The following PARD3 variants were observed in gnomAD, a reference collection of about 807,000 sequenced individuals.
PARD3 encodes the protein par-3 family cell polarity regulator, also known as partitioning defective 3 homolog.
Under a neutral mutation model 155.4 loss-of-function variants are expected in PARD3, and 75 were observed. That is an observed-to-expected ratio of 0.48 (90% confidence interval 0.40 to 0.58). The LOEUF (loss-of-function observed/expected upper bound fraction) is 0.58. PARD3 is among the 20% of genes least tolerant of loss of function. The probability of loss-of-function intolerance (pLI) is 0.00; values close to 1 mark genes in which losing one functional copy is unlikely to be tolerated. For synonymous variants in PARD3, 576 were observed against 610.5 expected, an observed-to-expected ratio of 0.94 and a Z score of 0.83; for missense variants, 1,642 against 1,721.7, an observed-to-expected ratio of 0.95 and a Z score of 0.82.
chr10:34,139,931 T>A (rs546701156), intron 22 of PARD3, among the ~76,000 whole-genome samples: 1 of 152,216 alleles, frequency 6.6e-6, no homozygotes. Flanking sequence ...CACTTAGATA[T>A]TTTTCTATAC....
chr10:34,590,648 C>T (rs6481904), intron 2 of PARD3, among the ~76,000 whole-genome samples: 4,469 of 152,262 alleles, frequency 0.029, 221 homozygotes, highest in African/African-American at 0.1. Flanking sequence ...TCTCTTCTCG[C>T]TGTCAGCTAA....
intron 1 of PARD3, among the ~76,000 whole-genome samples, chr10:34,789,079 G>A (rs917728770): frequency 1.3e-5 from 2 of 152,176 alleles, no homozygotes; most frequent in Admixed American, 1.3e-4. Flanking sequence ...CCCAACAATA[G>A]TTAACTAGGT....
intron 2 of PARD3, among the ~76,000 whole-genome samples, chr10:34,578,909 T>C (rs1410076395): frequency 6.6e-6 from 1 of 152,102 alleles, no homozygotes; most frequent in Non-Finnish European, 1.5e-5. Flanking sequence ...TAGGTAGAGG[T>C]GTTGAGGAAG....
chr10:34,367,112 G>C (rs539800530), intron 12 of PARD3, among the ~76,000 whole-genome samples: 7 of 152,212 alleles, frequency 4.6e-5, no homozygotes, highest in African/African-American at 1.7e-4. Flanking sequence ...AGAAACATCA[G>C]ACAAACTCAA....
At chr10:34,264,797 T>C (rs1955214126) in intron 22 of PARD3, among the ~76,000 whole-genome samples, 1 of 151,656 alleles carries the variant, frequency 6.6e-6, no homozygotes, top group African/African-American at 2.4e-5. Context: ...TTGCCCAGAC[T>C]GGAGTGCAGT....
intron 1 of PARD3, among the ~76,000 whole-genome samples, chr10:34,762,144 G>T (rs1427977751): frequency 6.6e-6 from 1 of 152,008 alleles, no homozygotes; most frequent in African/African-American, 2.4e-5. Context: ...AGTCACCCAG[G>T]TCACTCCTAC....
chr10:34,276,576 A>C (rs560704589), intron 21 of PARD3, among the ~76,000 whole-genome samples: 2 of 152,302 alleles, frequency 1.3e-5, no homozygotes, highest in South Asian at 2.1e-4. Flanking sequence ...CACTAATTGC[A>C]GTAGAATAAG....
intron 3 of PARD3, among the ~76,000 whole-genome samples, chr10:34,480,486 A>G (rs1009655453): frequency 1.3e-5 from 2 of 152,124 alleles, no homozygotes; most frequent in Non-Finnish European, 2.9e-5. Flanking sequence ...TGAAACTCCC[A>G]TCTCAGCCTC....
At chr10:34,399,155 G>A (rs147014199) in intron 7 of PARD3, among the ~76,000 whole-genome samples, 175 bp downstream of exon 7, 10 of 152,218 alleles carry the variant, frequency 6.6e-5, no homozygotes, top group Non-Finnish European at 1.2e-4. Context: ...CTCTTCATCA[G>A]GCTAAGTGCT....
At chr10:34,122,305 T>C (rs1000572726) in intron 23 of PARD3, among the ~76,000 whole-genome samples, 1 of 152,212 alleles carries the variant, frequency 6.6e-6, no homozygotes, top group African/African-American at 2.4e-5. Flanking sequence ...TTTTAAGTTG[T>C]TTCTCCCATA....
intron 2 of PARD3, among the ~76,000 whole-genome samples, chr10:34,584,733 A>G (rs2087843396): frequency 6.6e-6 from 1 of 152,174 alleles, no homozygotes; most frequent in Non-Finnish European, 1.5e-5. Flanking sequence ...GCCCAATCAT[A>G]ATGCCATCTA....
intron 2 of PARD3, among the ~76,000 whole-genome samples, chr10:34,683,438 C>T (rs12259503): frequency 0.019 from 2,831 of 150,984 alleles, 91 homozygotes; most frequent in African/African-American, 0.066. Context: ...ATGATTATAC[C>T]CCATTTACAG....
At position 34,744,919 on chromosome 10, in the gene PARD3, G is replaced by A. The variant is rs117823984; in HGVS notation, c.121-48500C>T. ...AGAGCTGCAGTGGACTGAAGGAAGT[G>A]GGTGCACACCCAGGAGCTCGGGCAA... On this transcript the variant is annotated intron_variant, in intron 1 of 24. Coordinates refer to ENST00000374788, the MANE Select transcript of PARD3 (RefSeq NM_001184785.2). 6.9e-4 allele frequency among the ~76,000 whole-genome samples: 105 copies of A among 152,278 alleles called. No individual in the cohort carries two copies. In the East Asian group the frequency reaches 0.019, roughly 28 times the overall value.
At chr10:34,632,002 C>G (rs1012570281) in intron 2 of PARD3, among the ~76,000 whole-genome samples, 1 of 152,162 alleles carries the variant, frequency 6.6e-6, no homozygotes, top group Non-Finnish European at 1.5e-5. Context: ...TAGCCTGAGG[C>G]CAGGCAGAGT....
chr10:34,116,073 G>A (rs1359300976), intron 24 of PARD3, among the ~76,000 whole-genome samples: 1 of 152,166 alleles, frequency 6.6e-6, no homozygotes. Flanking sequence ...ATCCTATTCT[G>A]ATTGAGAACT....
At chr10:34,117,940 G>A (rs949786026) in intron 24 of PARD3, among the ~76,000 whole-genome samples, 3 of 152,110 alleles carry the variant, frequency 2.0e-5, no homozygotes, top group Non-Finnish European at 4.4e-5. Flanking sequence ...GCCCTTGATA[G>A]CAACGGGCCT....
intron 2 of PARD3, among the ~76,000 whole-genome samples, chr10:34,544,176 A>T (rs2083864319): frequency 6.6e-6 from 1 of 152,188 alleles, no homozygotes; most frequent in Non-Finnish European, 1.5e-5. Context: ...AACACTTAAA[A>T]TTTTTGGAAA....
chr10:34,207,262 T>G (rs945491739), intron 22 of PARD3, among the ~76,000 whole-genome samples: 1 of 152,252 alleles, frequency 6.6e-6, no homozygotes, highest in Non-Finnish European at 1.5e-5. Context: ...TTGGTTGTTT[T>G]GTCACTCTTG....
intron 2 of PARD3, among the ~76,000 whole-genome samples, chr10:34,683,144 G>A (rs1223125546): frequency 6.6e-6 from 1 of 152,102 alleles, no homozygotes; most frequent in African/African-American, 2.4e-5. Context: ...GACACAGAAA[G>A]GTGAACACCA....
Sources: gnomAD v4.1 joint callset for allele counts (sites outside exome capture counted in the v4.1 genomes callset) on GRCh38, gnomAD v4.1.1 for gene constraint, MANE v1.5 for transcripts, NCBI Gene and HGNC (gene_info 2026-07-23, HGNC 2026-07-21) for gene names.